The following DOCK3 variants were observed in gnomAD, a reference collection of about 807,000 sequenced individuals.
DOCK3 encodes dedicator of cytokinesis protein 3.
Under a neutral mutation model 265.6 loss-of-function variants are expected in DOCK3, and 60 were observed. The observed-to-expected ratio is 0.23, with a 90% CI of 0.18 to 0.28. DOCK3 has a LOEUF of 0.28. Ranked by LOEUF, DOCK3 falls within the 10% of genes least tolerant of loss-of-function variation. The probability of loss-of-function intolerance (pLI) is 1.00; values close to 1 mark genes in which losing one functional copy is unlikely to be tolerated. For synonymous variants in DOCK3, 881 were observed against 938.0 expected (o/e 0.94, Z 1.11); for missense variants, 1,981 against 2,594.3 (o/e 0.76, Z 5.14).
intron 2 of DOCK3, among the ~76,000 whole-genome samples, chr3:50,822,892 A>G (rs2044526664): frequency 6.6e-6 from 1 of 152,332 alleles, no homozygotes; most frequent in Middle Eastern, 3.4e-3. Flanking sequence ...ATGAGATTAT[A>G]TGGAGAATTG....
intron 2 of DOCK3, among the ~76,000 whole-genome samples, chr3:50,807,862 A>G (rs1309306312): frequency 2.0e-5 from 3 of 152,090 alleles, no homozygotes; most frequent in Non-Finnish European, 4.4e-5. Flanking sequence ...CAATCCTTTC[A>G]CCTCAGCCTC....
At chr3:50,865,185 C>T (rs2047082770) in intron 3 of DOCK3, among the ~76,000 whole-genome samples, 1 of 152,080 alleles carries the variant, frequency 6.6e-6, no homozygotes, top group African/African-American at 2.4e-5. Context: ...TTTAAATGTA[C>T]AATCCAATTA....
intron 27 of DOCK3, among the ~76,000 whole-genome samples, chr3:51,281,372 ATATG>A (rs2081109407): frequency 6.6e-6 from 1 of 150,864 alleles, no homozygotes; most frequent in Non-Finnish European, 1.5e-5. Context: ...CCTGGGCTGC[ATATG>A]GCCCATGGGC....
chr3:50,800,767 A>C (rs1451946609), intron 2 of DOCK3, among the ~76,000 whole-genome samples: 1 of 151,802 alleles, frequency 6.6e-6, no homozygotes, highest in Admixed American at 6.6e-5. Context: ...AGGTTATATG[A>C]AATCTTTCTA....
At chr3:50,710,520 C>A (rs758407409) in intron 1 of DOCK3, among the ~76,000 whole-genome samples, 1 of 152,114 alleles carries the variant, frequency 6.6e-6, no homozygotes, top group East Asian at 1.9e-4. Context: ...AAGATGTTGA[C>A]GTGGATGTAG....
chr3:50,756,389 G>A (rs575097101), intron 1 of DOCK3, among the ~76,000 whole-genome samples: 35 of 152,182 alleles, frequency 2.3e-4, no homozygotes, highest in Admixed American at 1.7e-3. Context: ...TTCTGGGAGC[G>A]GGGAGCGGGG....
intron 35 of DOCK3, 29 bp downstream of exon 35, chr3:51,333,282 T>C (rs1326957693): frequency 6.2e-7 from 1 of 1,602,878 alleles, no homozygotes; most frequent in Non-Finnish European, 8.5e-7. Flanking sequence ...GCTCCCCTCT[T>C]CCCTTGTCAG....
intron 5 of DOCK3, among the ~76,000 whole-genome samples, chr3:51,023,343 C>T (rs967074894): frequency 5.3e-5 from 8 of 151,738 alleles, no homozygotes; most frequent in Admixed American, 3.3e-4. Flanking sequence ...ATTGTTGAAA[C>T]TTTCCACTGC....
At chr3:50,756,596 T>C (rs1283094246) in intron 1 of DOCK3, among the ~76,000 whole-genome samples, 2 of 152,210 alleles carry the variant, frequency 1.3e-5, no homozygotes, top group Non-Finnish European at 2.9e-5. Flanking sequence ...GTGGAAATGC[T>C]AGATCATATA....
intron 20 of DOCK3, among the ~76,000 whole-genome samples, chr3:51,236,689 C>T (rs867568100): frequency 1.1e-4 from 16 of 152,204 alleles, no homozygotes; most frequent in Middle Eastern, 3.4e-3. Flanking sequence ...GTATGCCTGG[C>T]CCATGAAATA....
intron 22 of DOCK3, among the ~76,000 whole-genome samples, chr3:51,248,429 G>A (rs1308525961): frequency 1.3e-5 from 2 of 152,232 alleles, no homozygotes; most frequent in Admixed American, 6.5e-5. Flanking sequence ...TCCTAACCGC[G>A]AGTGATCCAC....
chr3:50,955,268 C>T (rs2076698975), intron 5 of DOCK3, among the ~76,000 whole-genome samples: 1 of 152,164 alleles, frequency 6.6e-6, no homozygotes, highest in African/African-American at 2.4e-5. Flanking sequence ...TTGTGGAGAG[C>T]AGTGTGGCAA....
At chr3:50,685,331 T>C (rs914284205) in intron 1 of DOCK3, among the ~76,000 whole-genome samples, 7 of 152,234 alleles carry the variant, frequency 4.6e-5, no homozygotes, top group Non-Finnish European at 8.8e-5. Context: ...GACTTGCATT[T>C]TGAAAAATTT....
chr3:50,693,530 CTTTT>C (rs35261130), intron 1 of DOCK3, among the ~76,000 whole-genome samples: 1 of 64,272 alleles, frequency 1.6e-5, no homozygotes. Context: ...ATTTCCTTTC[CTTTT>C]TTTTTTTTTT....
chr3:50,823,168 ATTTT>A lies in DOCK3; in HGVS notation c.122-18501_122-18498del, dbSNP rs200078483. Among the ~76,000 whole-genome samples the A allele has an allele frequency of 6.7e-3, 1,024 of 151,720 alleles. 35 individuals carry two copies. The East Asian group carries it at 0.11, about 17-fold the overall frequency. On this transcript the variant is annotated intron_variant, in intron 2 of 52. Transcript: ENST00000266037. ...TTTTATTTTATTTATTTATTTATTT[ATTTT>A]TTTTTATTGATCATTCTTGGGTGTT...
At chr3:51,147,638 G>C (rs2085365328) in intron 10 of DOCK3, among the ~76,000 whole-genome samples, 1 of 152,098 alleles carries the variant, frequency 6.6e-6, no homozygotes, top group African/African-American at 2.4e-5. Flanking sequence ...ATGGTTTCCA[G>C]CTTCATCCAT....
rs1416265096 is a variant in DOCK3 at position 51,225,892 on chromosome 3, C to T, written c.1377+119C>T. 2.3e-6 allele frequency: 3 copies of T among 1,327,524 alleles called. No homozygotes were observed. The African/African-American group carries it at 4.5e-5, about 20-fold the overall frequency. 82.2% of individuals were successfully genotyped at this position (1,327,524 alleles called of 1,614,324 possible). A position where few individuals can be genotyped will look rare whatever the true frequency, so the allele number is the denominator to read the frequency against. On this transcript the variant is annotated intron_variant, in intron 15 of 52. Coordinates refer to ENST00000266037, the MANE Select transcript of DOCK3 (RefSeq NM_004947.5). ...TTAAAATCACCCCATCAGCCTTTTT[C>T]TCTGCCTTTTTCTTTCTTGAAGAAA...
intron 3 of DOCK3, among the ~76,000 whole-genome samples, chr3:50,858,434 AATAATAAT>A (rs1255933290): frequency 6.7e-5 from 10 of 149,916 alleles, no homozygotes; most frequent in Middle Eastern, 3.3e-3. Context: ...TAATAATAAT[AATAATAAT>A]AATAATAATA....
intron 5 of DOCK3, among the ~76,000 whole-genome samples, chr3:51,042,059 G>A (rs2080554490): frequency 6.6e-6 from 1 of 152,136 alleles, no homozygotes; most frequent in South Asian, 2.1e-4. Context: ...TGAAAAGGAA[G>A]GACTCCTCCC....
Sources: allele counts gnomAD v4.1 joint callset (sites outside exome capture counted in the v4.1 genomes callset), GRCh38; gene constraint gnomAD v4.1.1; transcripts MANE v1.5; gene names NCBI Gene and HGNC (gene_info 2026-07-23, HGNC 2026-07-21).